LUC7L: variants seen among roughly 807,000 people sequenced by gnomAD.
LUC7L encodes LUC7 like.
In LUC7L, 29 loss-of-function variants were observed where a neutral mutation model predicts 51.1. That is an observed-to-expected ratio of 0.57 (90% CI 0.42 to 0.77). LUC7L has a LOEUF of 0.77. Among genes scored for constraint, LUC7L ranks in the 30% least tolerant of loss-of-function variants. The pLI, the probability that LUC7L is intolerant of heterozygous loss-of-function variation, is 0.00. For missense variants in LUC7L, 403 were observed against 511.9 expected (o/e 0.79, Z 2.05); for synonymous variants, 181 against 180.7 (o/e 1.00, Z -0.01).
At chr16:204,234 A>G (rs887938147) in intron 5 of LUC7L, among the ~76,000 whole-genome samples, 2 of 151,906 alleles carry the variant, frequency 1.3e-5, no homozygotes, top group Non-Finnish European at 2.9e-5. Flanking sequence ...ACCTGAGGTC[A>G]GAAGTTTGAG....
At position 192,814 on chromosome 16, in the gene LUC7L, T is replaced by C. The variant is rs999510068; in HGVS notation, c.776+113A>G. The C allele has an allele frequency of 9.5e-6, 9 of 950,158 alleles. No homozygotes were observed. The African/African-American group carries it at 1.5e-4, about 15-fold the overall frequency. The allele number at this position is 950,158 out of a possible 1,614,324, so 58.9% of individuals were successfully genotyped here. A position where few individuals can be genotyped will look rare whatever the true frequency, so the allele number is the denominator to read the frequency against. On this transcript the variant is annotated intron_variant, in intron 7 of 9. Coordinates refer to ENST00000293872, the MANE Select transcript of LUC7L (RefSeq NM_201412.3). ...CGCCAGGCCTGGCCTTACTATTTTC[T>C]TTTATAACGGCCTATTGGGCAGGCC...
intron 2 of LUC7L, among the ~76,000 whole-genome samples, chr16:226,174 A>G (rs1261179140): frequency 6.6e-6 from 1 of 152,224 alleles, no homozygotes; most frequent in Non-Finnish European, 1.5e-5. Context: ...ATTTGCTGTC[A>G]GAAAACTCAG....
Position 190,040 on chromosome 16 carries a change from C to T in LUC7L, c.902G>A (p.Arg301His), listed in dbSNP as rs779480804. Residue 301 changes from arginine (R) to histidine (H), a missense_variant, in exon 9 of 10, where the codon CGC (arginine) becomes CAC (histidine). Transcript: ENST00000293872. ...GTGGCTCCGGGAACGGCTGCGGTGG[C>T]GCCGATGTCTATCTCGGGACCGGGA... Reference protein sequence around the residue: ...SRSRSRDRHRRHRSRSRSHSR... With the variant: ...SRSRSRDRHRHHRSRSRSHSR... The T allele has an allele frequency of 1.2e-5, 19 of 1,613,760 alleles. No individual in the cohort carries two copies. Among genetic ancestry groups the T allele is most frequent in the Non-Finnish European group, 1.4e-5 (17 of 1,180,020 alleles).
Position 229,292 on chromosome 16 carries a change from G to T in LUC7L, c.48C>A (p.Gly16=), listed in dbSNP as rs754991358. Residue 16 remains glycine, a synonymous_variant, in exon 1 of 10, where the codon GGC becomes GGA. Transcript: ENST00000293872. ...GCTCTGACTCACCGTCCCGAGCCGT[G>T]CCCATGAGCTGGTCCAGCAGGGCCC... ...QMRALLDQLM[G]TARDGDETRQ... 5 of 1,540,886 alleles carry T rather than the reference G, an allele frequency of 3.2e-6. No individual in the cohort carries two copies. The South Asian group carries it at 6.0e-5, about 18-fold the overall frequency.
intron 7 of LUC7L, 131 bp downstream of exon 7, chr16:192,796 C>A (rs2047264640): frequency 1.2e-6 from 1 of 816,674 alleles, no homozygotes; most frequent in Non-Finnish European, 2.0e-6. Context: ...AGCCGCCAGG[C>A]CTGGCCTTAC....
intron 6 of LUC7L, among the ~76,000 whole-genome samples, chr16:197,849 T>G (rs2049198176): frequency 2.0e-5 from 3 of 152,200 alleles, no homozygotes; most frequent in South Asian, 4.1e-4. Context: ...GGAGGCTGGC[T>G]AATTTCCCAC....
At chr16:223,357 A>G (rs548262267) in intron 2 of LUC7L, among the ~76,000 whole-genome samples, 1 of 152,234 alleles carries the variant, frequency 6.6e-6, no homozygotes, top group South Asian at 2.1e-4. Context: ...TCAAAAAAAT[A>G]AAATAAAATA....
chr16:193,231 T>C (rs1295018154), intron 6 of LUC7L, among the ~76,000 whole-genome samples: 156 of 151,666 alleles, frequency 1.0e-3, no homozygotes, highest in African/African-American at 3.6e-3. Flanking sequence ...TCACTGCAAC[T>C]TCCACCTCGA....
intron 6 of LUC7L, among the ~76,000 whole-genome samples, chr16:194,046 G>A (rs1401796563): frequency 1.3e-5 from 2 of 151,550 alleles, no homozygotes; most frequent in African/African-American, 4.8e-5. Flanking sequence ...CTCACGATCC[G>A]CCCGCCTCGG....
intron 3 of LUC7L, chr16:208,698 A>T: frequency 1.1e-6 from 1 of 897,726 alleles, no homozygotes; most frequent in Non-Finnish European, 1.3e-6. Context: ...AATATTACTG[A>T]GAGCTATGAA....
At chr16:215,342 C>T (rs2049761002) in intron 3 of LUC7L, among the ~76,000 whole-genome samples, 2 of 151,928 alleles carry the variant, frequency 1.3e-5, no homozygotes, top group East Asian at 1.9e-4. Context: ...AAAATTGGGC[C>T]GGGCGCGGTG....
intron 2 of LUC7L, among the ~76,000 whole-genome samples, chr16:225,600 C>T (rs1431575628): frequency 1.3e-4 from 20 of 149,094 alleles, no homozygotes; most frequent in African/African-American, 4.9e-4. Context: ...GACTCTCCTG[C>T]CTCAGTCTCC....
intron 3 of LUC7L, among the ~76,000 whole-genome samples, chr16:218,917 C>G (rs1361583981): frequency 1.8e-5 from 2 of 109,830 alleles, no homozygotes; most frequent in Non-Finnish European, 3.7e-5. Context: ...ATAGTAAAAC[C>G]CTGTCTCAAA....
At chr16:224,267 C>T (rs992232449) in intron 2 of LUC7L, among the ~76,000 whole-genome samples, 34 of 151,392 alleles carry the variant, frequency 2.2e-4, no homozygotes, top group African/African-American at 7.5e-4. Context: ...GCCTATAATC[C>T]CAGCACTTTG....
chr16:214,071 A>T (rs530835752), intron 3 of LUC7L, among the ~76,000 whole-genome samples: 73 of 150,168 alleles, frequency 4.9e-4, no homozygotes, highest in African/African-American at 1.8e-3. Flanking sequence ...TCTCATGAGC[A>T]ATTGTTTTTT....
At chr16:195,204 A>G (rs973463434) in intron 6 of LUC7L, among the ~76,000 whole-genome samples, 1 of 151,702 alleles carries the variant, frequency 6.6e-6, no homozygotes, top group African/African-American at 2.4e-5. Context: ...TGGGAGGATC[A>G]TGTGAGGACA....
chr16:228,248 T>G, intron 1 of LUC7L: 3 of 1,295,738 alleles, frequency 2.3e-6, no homozygotes, highest in Non-Finnish European at 3.0e-6. Flanking sequence ...AAATGTTTTC[T>G]TTCTAAACTA....
At chr16:192,491 T>C (rs1439482792) in intron 7 of LUC7L, among the ~76,000 whole-genome samples, 2 of 149,654 alleles carry the variant, frequency 1.3e-5, no homozygotes, top group African/African-American at 4.9e-5. Flanking sequence ...TTGGACTGAA[T>C]ATGCTGTTTA....
intron 3 of LUC7L, among the ~76,000 whole-genome samples, chr16:219,916 C>G (rs930260373): frequency 6.6e-6 from 1 of 151,722 alleles, no homozygotes; most frequent in East Asian, 1.9e-4. Flanking sequence ...AACACAACTA[C>G]TGAGTACTAA....
Sources: allele counts gnomAD v4.1 joint callset (sites outside exome capture counted in the v4.1 genomes callset), GRCh38; gene constraint gnomAD v4.1.1; transcripts MANE v1.5; gene names NCBI Gene and HGNC (gene_info 2026-07-23, HGNC 2026-07-21).